MORC2: variants seen among roughly 807,000 people sequenced by gnomAD.
The protein encoded by MORC2 is MORC family CW-type zinc finger 2, also known as ATPase MORC2.
MORC2 carries 30 observed loss-of-function variants against 136.0 expected under a neutral mutation model. The observed-to-expected ratio is 0.22, with a 90% CI of 0.17 to 0.30. The LOEUF (loss-of-function observed/expected upper bound fraction) is 0.30. Ranked by LOEUF, MORC2 falls within the 10% of genes least tolerant of loss-of-function variation. MORC2 has a pLI of 1.00. For synonymous variants in MORC2, 439 were observed against 487.0 expected, an observed-to-expected ratio of 0.90 and a Z score of 1.30; for missense variants, 922 against 1,333.1, an observed-to-expected ratio of 0.69 and a Z score of 4.80.
intron 3 of MORC2, among the ~76,000 whole-genome samples, chr22:30,955,210 G>A (rs940564901): frequency 8.6e-5 from 13 of 151,940 alleles, no homozygotes; most frequent in Non-Finnish European, 1.6e-4. Context: ...CGCCTGCCTC[G>A]GCTTCCCAAA....
rs371351399 is a variant in MORC2, at chr22:30,941,525, G to C, written c.732C>G (p.Ala244=). The C allele has an allele frequency of 6.2e-7, 1 of 1,613,922 alleles. No individual in the cohort carries two copies. The highest frequency in any genetic ancestry group is 2.2e-5 in the East Asian group (1 of 44,894). Residue 244 remains alanine, a synonymous_variant, in exon 9 of 26, where the codon GCC becomes GCG. Coordinates refer to ENST00000397641, the MANE Select transcript of MORC2 (RefSeq NM_001303256.3). The surrounding 1 kb of genome is among the most constrained non-coding windows in gnomAD (Gnocchi z 4.6). ...TCCGGGGATCAATATAGAGCACAGC[G>C]GCATAGGCACGGAACGAGCGCCGCT... The part of the protein sequence containing the change: ...KPERRSFRAY[A]AVLYIDPRMR...
chr22:30,936,405 G>A, intron 17 of MORC2, 106 bp downstream of exon 17: 2 of 1,481,854 alleles, frequency 1.3e-6, no homozygotes, highest in Non-Finnish European at 1.8e-6. Context: ...GCGGGTGAGT[G>A]GAGGGTAAAA....
At chr22:30,951,560 G>A (rs1366277750) in intron 3 of MORC2, among the ~76,000 whole-genome samples, 2 of 152,194 alleles carry the variant, frequency 1.3e-5, no homozygotes, top group Non-Finnish European at 2.9e-5. Context: ...CTGGCACAGG[G>A]ATAAAGGTAG....
intron 1 of MORC2, chr22:30,963,421 T>A (rs2041079506): frequency 1.6e-6 from 1 of 645,098 alleles, no homozygotes; most frequent in African/African-American, 2.0e-5. Flanking sequence ...AGTCTTGCTC[T>A]GTTGCCCCGG....
intron 1 of MORC2, among the ~76,000 whole-genome samples, chr22:30,965,871 C>T (rs980176667): frequency 6.6e-6 from 1 of 152,210 alleles, no homozygotes; most frequent in Non-Finnish European, 1.5e-5. Flanking sequence ...AGCAAATAGG[C>T]TCTTGAAGGT....
rs762809030 is a variant in MORC2 at position 30,949,842 on chromosome 22, C to T, written c.227G>A (p.Ser76Asn). The change falls in exon 5 of 26, where the codon AGT (serine) becomes AAT (asparagine). Residue 76 changes from serine to asparagine, a missense_variant and splice_region_variant. Around this residue, in one of 9 missense-constraint regions of MORC2, gnomAD observed 57 missense variants for 71.8 expected, o/e 0.79. Coordinates refer to ENST00000397641, the MANE Select transcript of MORC2 (RefSeq NM_001303256.3). ...FLDDGAGMDP[S>N]DAASVIQFGK... is the part of the protein sequence containing the mutation. ...AAACTGGATCACACTGGCAGCATCACCTGAAAGGGCAGACACAAGAGAAAG... is the reference window on the plus strand; with the variant it reads ...AAACTGGATCACACTGGCAGCATCATCTGAAAGGGCAGACACAAGAGAAAG... 9.9e-6 allele frequency: 16 copies of T among 1,613,900 alleles called. No individual in the cohort carries two copies. The highest frequency in any genetic ancestry group is 2.7e-5 in the African/African-American group (2 of 74,914).
intron 5 of MORC2, among the ~76,000 whole-genome samples, chr22:30,949,152 G>A (rs1010410998): frequency 6.6e-6 from 1 of 152,182 alleles, no homozygotes; most frequent in African/African-American, 2.4e-5. Context: ...CCTTTCTCTT[G>A]GGGCTTCACT....
intron 24 of MORC2, among the ~76,000 whole-genome samples, chr22:30,928,513 A>C (rs1304585309): frequency 6.6e-6 from 1 of 152,140 alleles, no homozygotes; most frequent in African/African-American, 2.4e-5. Flanking sequence ...AGTGACAAAA[A>C]AGGATGACAG....
At chr22:30,930,735 C>A (rs1041485813) in intron 24 of MORC2, among the ~76,000 whole-genome samples, 5 of 152,162 alleles carry the variant, frequency 3.3e-5, no homozygotes, top group African/African-American at 4.8e-5. Context: ...TTCTCTAGAA[C>A]CTCTTTCCTA....
chr22:30,958,863 T>C (rs1302525260), intron 1 of MORC2, 169 bp from the exon 2 acceptor site: 4 of 566,854 alleles, frequency 7.1e-6, no homozygotes, highest in Non-Finnish European at 1.2e-5. Flanking sequence ...CTCCCCTCAA[T>C]TGTTAATCTT....
chr22:30,950,996 C>T (rs2040878766), intron 3 of MORC2, among the ~76,000 whole-genome samples: 1 of 152,188 alleles, frequency 6.6e-6, no homozygotes, highest in East Asian at 1.9e-4. Context: ...ATGACCATCC[C>T]TAGGCTGACT....
chr22:30,933,954 A>T, intron 20 of MORC2, 106 bp downstream of exon 20: 2 of 1,417,630 alleles, frequency 1.4e-6, no homozygotes, highest in Non-Finnish European at 1.9e-6. Context: ...TGGGTTGTGT[A>T]GACTGCTGGT....
intron 6 of MORC2, 78 bp from the exon 7 acceptor site, chr22:30,942,349 C>T: frequency 6.7e-7 from 1 of 1,491,170 alleles, no homozygotes; most frequent in Non-Finnish European, 9.1e-7. Context: ...CTCTCTTGTC[C>T]CTCCCCACAG....
chr22:30,967,133 A>G (rs1195851416), intron 1 of MORC2: 1 of 985,342 alleles, frequency 1.0e-6, no homozygotes, highest in African/African-American at 1.7e-5. Context: ...GACAGCCTCC[A>G]AGAGAGTGGG....
chr22:30,944,386 C>T (rs1309784556), intron 6 of MORC2, among the ~76,000 whole-genome samples: 1 of 152,090 alleles, frequency 6.6e-6, no homozygotes, highest in African/African-American at 2.4e-5. Flanking sequence ...CCCTCAGGAA[C>T]ACTTCTCCTT....
chr22:30,931,225 G>T (rs2040571645), intron 24 of MORC2, among the ~76,000 whole-genome samples: 1 of 152,200 alleles, frequency 6.6e-6, no homozygotes, highest in Non-Finnish European at 1.5e-5. Context: ...GCAGATTACA[G>T]CCCCTGGGCC....
At chr22:30,936,730 T>C in intron 16 of MORC2, 87 bp from the exon 17 acceptor site, 8 of 1,539,494 alleles carry the variant, frequency 5.2e-6, no homozygotes, top group Non-Finnish European at 7.0e-6. Flanking sequence ...CTACACTGTC[T>C]GTCACAAGAG....
intron 2 of MORC2, among the ~76,000 whole-genome samples, chr22:30,957,897 G>C (rs2040990036): frequency 6.6e-6 from 1 of 152,216 alleles, no homozygotes. Context: ...AGATCTGTTT[G>C]AAAGTACTTC....
At chr22:30,964,824 G>C (rs2041101621) in intron 1 of MORC2, among the ~76,000 whole-genome samples, 1 of 152,196 alleles carries the variant, frequency 6.6e-6, no homozygotes, top group African/African-American at 2.4e-5. Flanking sequence ...AGATGCTCCA[G>C]AATTTCCTAA....
Sources: allele counts gnomAD v4.1 joint callset (sites outside exome capture counted in the v4.1 genomes callset), GRCh38; gene constraint gnomAD v4.1.1; regional missense constraint gnomAD v4.1.1; non-coding constraint Gnocchi (gnomAD v3.1); transcripts MANE v1.5; gene names NCBI Gene and HGNC (gene_info 2026-07-23, HGNC 2026-07-21).